RIC3: variants seen among roughly 807,000 people sequenced by gnomAD.
The protein encoded by RIC3 is RIC3 acetylcholine receptor chaperone.
Under a neutral mutation model 27.3 loss-of-function variants are expected in RIC3, and 28 were observed. That is an observed-to-expected ratio of 1.02 (90% CI 0.76 to 1.41). RIC3 has a LOEUF of 1.41. Among genes scored for constraint, RIC3 ranks in the 40% most tolerant of loss-of-function variants. RIC3 has a pLI of 0.00. For missense variants in RIC3, 501 were observed against 444.7 expected (o/e 1.13, Z -1.14); for synonymous variants, 184 against 160.4 (o/e 1.15, Z -1.11).
chr11:8,137,262 G>A, intron 4 of RIC3, 116 bp downstream of exon 4: 1 of 792,000 alleles, frequency 1.3e-6, no homozygotes, highest in South Asian at 1.6e-5. Flanking sequence ...GACCTCAGAT[G>A]ATCCACCCAC....
At chr11:8,122,598 C>T (rs1050637124) in intron 5 of RIC3, among the ~76,000 whole-genome samples, 1 of 151,998 alleles carries the variant, frequency 6.6e-6, no homozygotes, top group Non-Finnish European at 1.5e-5. Context: ...CATAAGAGTG[C>T]AAAGCTAGGA....
At chr11:8,120,156 G>A (rs1946284577) in intron 5 of RIC3, among the ~76,000 whole-genome samples, 1 of 152,186 alleles carries the variant, frequency 6.6e-6, no homozygotes, top group African/African-American at 2.4e-5. Flanking sequence ...TCTAGAACTG[G>A]AATTACTATT....
intron 1 of RIC3, among the ~76,000 whole-genome samples, chr11:8,152,992 A>G (rs1950369937): frequency 6.6e-6 from 1 of 152,244 alleles, no homozygotes; most frequent in Non-Finnish European, 1.5e-5. Context: ...AATGCTGAAT[A>G]AAACATGATG....
chr11:8,125,629 A>G (rs1207412033), intron 5 of RIC3, among the ~76,000 whole-genome samples: 2 of 152,238 alleles, frequency 1.3e-5, no homozygotes, highest in Non-Finnish European at 2.9e-5. Flanking sequence ...AAAGACTGAC[A>G]AGACAAAGTG....
In RIC3 at chr11:8,110,826, G is replaced by C; in HGVS notation, c.982C>G (p.Pro328Ala). Residue 328 changes from proline (P) to alanine (A), a missense_variant, in exon 6 of 6, where the codon CCT (proline) becomes GCT (alanine). By Grantham distance (27) the Pro-to-Ala change is conservative. Transcript: ENST00000309737. ...TCTTTGGTGGTTTCCTCTTGCTCAG[G>C]GTAGCTATCTGCACTGAATCCAGCA... is the stretch of plus-strand genomic sequence containing the variant. The part of the protein sequence containing the change: ...ENAGFSADSY[P>A]EQEETTKEEW... 2.5e-6 allele frequency: 4 copies of C among 1,614,164 alleles called. No individual in the cohort carries two copies. Among genetic ancestry groups the C allele is most frequent in the Non-Finnish European group, 2.5e-6 (3 of 1,180,040 alleles).
intron 4 of RIC3, among the ~76,000 whole-genome samples, chr11:8,133,872 C>T (rs919188748): frequency 6.6e-6 from 1 of 152,084 alleles, no homozygotes; most frequent in Non-Finnish European, 1.5e-5. Context: ...TGTTACTCAA[C>T]AGTAAATAAT....
intron 4 of RIC3, among the ~76,000 whole-genome samples, chr11:8,127,935 A>G (rs1947186336): frequency 6.6e-6 from 1 of 152,240 alleles, no homozygotes; most frequent in Non-Finnish European, 1.5e-5. Flanking sequence ...ACTGAGGAAA[A>G]TGAACATTAC....
rs1443432355 is a variant in RIC3 at position 8,110,599 on chromosome 11, C to T, written c.*99G>A. The T allele has an allele frequency of 2.9e-6, 3 of 1,048,334 alleles. No homozygotes were observed. The highest frequency in any genetic ancestry group is 4.5e-6 in the Non-Finnish European group (3 of 673,098). The allele number at this position is 1,048,334 out of a possible 1,614,324, so 64.9% of individuals were successfully genotyped here. A position where few individuals can be genotyped will look rare whatever the true frequency, so the allele number is the denominator to read the frequency against. On this transcript the variant is annotated 3_prime_UTR_variant, in exon 6 of 6. Coordinates refer to ENST00000309737, the MANE Select transcript of RIC3 (RefSeq NM_001206671.4). Reference sequence around the variant, plus strand: ...TGGCCTGATAGCTATGACACTTGAACACAGTGAAGAAAGTGCAGGGCACAG... The same window carrying T: ...TGGCCTGATAGCTATGACACTTGAATACAGTGAAGAAAGTGCAGGGCACAG...
At chr11:8,094,270 G>T in the RIC3 span, 1 of 1,475,052 alleles carries the variant, frequency 6.8e-7, no homozygotes, top group South Asian at 1.4e-5. Context: ...CTCCTGACTT[G>T]GAGGGGAGGG....
At chr11:8,145,334 A>T (rs1949567777) in intron 1 of RIC3, among the ~76,000 whole-genome samples, 1 of 152,158 alleles carries the variant, frequency 6.6e-6, no homozygotes, top group South Asian at 2.1e-4. Context: ...TGGGGCCATA[A>T]GGTTTTTTCT....
chr11:8,137,794 G>A (rs190774114), intron 3 of RIC3, among the ~76,000 whole-genome samples: 52 of 141,876 alleles, frequency 3.7e-4, no homozygotes, highest in African/African-American at 1.3e-3. Context: ...TATTTTTCCT[G>A]ACATACATTC....
In RIC3 at chr11:8,110,208, G is replaced by GC. The variant is rs1440573147; in HGVS notation, c.*489dup. On this transcript the variant is annotated 3_prime_UTR_variant, in exon 6 of 6. Coordinates refer to ENST00000309737, the MANE Select transcript of RIC3 (RefSeq NM_001206671.4). ...GTCTTACCCTCCTCTGGGCCCATTA[G>GC]CCCCACAAACAAAATGTTCTCTTCT... is the stretch of plus-strand genomic sequence containing the variant. 2 of 224,730 alleles carry GC rather than the reference G, an allele frequency of 8.9e-6. No homozygotes were observed. Among genetic ancestry groups the GC allele is most frequent in the Non-Finnish European group, 1.8e-5 (2 of 112,634 alleles). The allele number at this position is 224,730 out of a possible 1,614,324, so 13.9% of individuals were successfully genotyped here. A position where few individuals can be genotyped will look rare whatever the true frequency, so the allele number is the denominator to read the frequency against.
chr11:8,101,775 T>TGG, downstream of RIC3: 1 of 1,325,768 alleles, frequency 7.5e-7, no homozygotes, highest in Non-Finnish European at 1.0e-6. Flanking sequence ...AGGAACTGGC[T>TGG]CCTTTGCCTC....
At chr11:8,148,083 G>A (rs1565090120) in intron 1 of RIC3, among the ~76,000 whole-genome samples, 2 of 152,268 alleles carry the variant, frequency 1.3e-5, no homozygotes, top group Non-Finnish European at 1.5e-5. Flanking sequence ...TAAGAAAGAA[G>A]GTAGGTGGGC....
chr11:8,125,352 T>C (rs887417971), intron 5 of RIC3, among the ~76,000 whole-genome samples: 1 of 150,276 alleles, frequency 6.7e-6, no homozygotes, highest in Non-Finnish European at 1.5e-5. Context: ...GTTAAGAAAA[T>C]ATAAAGGCAA....
chr11:8,152,026 A>C (rs1950287766), intron 1 of RIC3, among the ~76,000 whole-genome samples: 2 of 152,202 alleles, frequency 1.3e-5, no homozygotes, highest in Non-Finnish European at 2.9e-5. Context: ...GCCACCAAGG[A>C]AATGCAAATC....
chr11:8,116,426 G>C (rs568877501), intron 5 of RIC3, among the ~76,000 whole-genome samples: 1 of 151,930 alleles, frequency 6.6e-6, no homozygotes, highest in African/African-American at 2.4e-5. Context: ...AGTGAAAATA[G>C]ACAAATGGGA....
Position 8,140,213 on chromosome 11 carries a change from T to C in RIC3, c.125-20A>G. ...ATTTTCCTGAGAAAATAATAATCACTTTTTATCTCTTCTACTATTTTAAAG... is the reference window on the plus strand; with the variant it reads ...ATTTTCCTGAGAAAATAATAATCACCTTTTATCTCTTCTACTATTTTAAAG... On this transcript the variant is annotated intron_variant, in intron 1 of 5. Transcript: ENST00000309737. 1 of 1,599,794 alleles carries C rather than the reference T, an allele frequency of 6.3e-7. No individual in the cohort carries two copies. The highest frequency in any genetic ancestry group is 8.5e-7 in the Non-Finnish European group (1 of 1,170,492).
intron 1 of RIC3, among the ~76,000 whole-genome samples, chr11:8,163,052 TACACACAC>T (rs67863540): frequency 1.4e-5 from 1 of 70,298 alleles, no homozygotes; most frequent in Non-Finnish European, 2.8e-5. Flanking sequence ...CACACACACA[TACACACAC>T]ACACACACCC....
Sources: gnomAD v4.1 joint callset for allele counts (sites outside exome capture counted in the v4.1 genomes callset) on GRCh38, gnomAD v4.1.1 for gene constraint, MANE v1.5 for transcripts, NCBI Gene and HGNC (gene_info 2026-07-23, HGNC 2026-07-21) for gene names.